Variants in UVRAG observed in about 807,000 individuals in gnomAD.
UVRAG encodes the protein UV radiation resistance-associated gene protein.
A neutral mutation model predicts 78.0 loss-of-function variants in UVRAG; 19 were observed. The ratio of observed to expected loss-of-function variants is 0.24; its 90% confidence interval spans 0.17 to 0.36. UVRAG has a LOEUF of 0.36. UVRAG is among the 10% of genes least tolerant of loss of function. The pLI, the probability that UVRAG is intolerant of heterozygous loss-of-function variation, is 1.00. For synonymous variants in UVRAG, 323 were observed against 324.6 expected (o/e 1.00, Z 0.05); for missense variants, 740 against 853.8 (o/e 0.87, Z 1.66).
intron 14 of UVRAG, among the ~76,000 whole-genome samples, chr11:76,125,809 T>G (rs1025344608): frequency 1.3e-5 from 2 of 152,144 alleles, no homozygotes; most frequent in Admixed American, 1.3e-4. Flanking sequence ...GCCCCATAAT[T>G]CAGGCACAAA....
chr11:76,012,614 G>A (rs951795336), intron 11 of UVRAG, among the ~76,000 whole-genome samples: 4 of 152,124 alleles, frequency 2.6e-5, no homozygotes, highest in Non-Finnish European at 4.4e-5. Context: ...ACTTTATGCT[G>A]CATGGGGTGA....
intron 13 of UVRAG, among the ~76,000 whole-genome samples, chr11:76,071,683 G>C (rs531677662): frequency 1.4e-4 from 21 of 152,254 alleles, no homozygotes; most frequent in Non-Finnish European, 1.9e-4. Context: ...CAGAAGACCA[G>C]ATTAGGGGCA....
At chr11:75,945,090 A>C (rs575178266) in intron 6 of UVRAG, among the ~76,000 whole-genome samples, 1 of 152,278 alleles carries the variant, frequency 6.6e-6, no homozygotes, top group South Asian at 2.1e-4. Context: ...TCTACGCTTG[A>C]TATACATCTA....
intron 8 of UVRAG, among the ~76,000 whole-genome samples, chr11:76,001,048 A>G (rs1320273556): frequency 6.6e-6 from 1 of 152,226 alleles, no homozygotes; most frequent in Non-Finnish European, 1.5e-5. Context: ...CAGAATCTGC[A>G]TTTCTTTCAA....
chr11:75,839,825 G>A (rs376205203), intron 1 of UVRAG, among the ~76,000 whole-genome samples: 27 of 149,086 alleles, frequency 1.8e-4, no homozygotes, highest in Non-Finnish European at 2.5e-4. Flanking sequence ...GTGTGTGTGT[G>A]TATATATATA....
intron 5 of UVRAG, among the ~76,000 whole-genome samples, chr11:75,910,199 T>G (rs1200288488): frequency 6.6e-6 from 1 of 152,220 alleles, no homozygotes. Context: ...TCTCCTAATA[T>G]CCTTTAAATG....
chr11:75,978,847 C>T (rs939484861), intron 7 of UVRAG, among the ~76,000 whole-genome samples: 101 of 151,824 alleles, frequency 6.7e-4, no homozygotes, highest in Non-Finnish European at 7.8e-4. Flanking sequence ...TTGTTATTAC[C>T]GATCTTCTGA....
intron 8 of UVRAG, among the ~76,000 whole-genome samples, chr11:75,995,565 T>G (rs959763599): frequency 2.6e-5 from 4 of 151,678 alleles, no homozygotes; most frequent in African/African-American, 9.7e-5. Context: ...TTAATTAGCT[T>G]CTGCTTGGTT....
rs1194458347 is a variant in UVRAG, at chr11:76,142,642, G to A, written c.*1229G>A. 6.6e-6 allele frequency: 1 copy of A among 152,272 alleles called. No individual in the cohort carries two copies. The highest frequency in any genetic ancestry group is 2.4e-5 in the African/African-American group (1 of 41,386). 9.4% of individuals were successfully genotyped at this position (152,272 alleles called of 1,614,324 possible). A position where few individuals can be genotyped will look rare whatever the true frequency, so the allele number is the denominator to read the frequency against. ...TATTATATAGAAGAATAAAAATTGA[G>A]TTTACTTCACCCGACCTGATTTTTT... On this transcript the variant is annotated 3_prime_UTR_variant, in exon 15 of 15. Coordinates refer to ENST00000356136, the MANE Select transcript of UVRAG (RefSeq NM_003369.4).
intron 5 of UVRAG, among the ~76,000 whole-genome samples, chr11:75,889,848 G>A (rs746653405): frequency 6.6e-6 from 1 of 152,174 alleles, no homozygotes. Context: ...ACAAATGGTG[G>A]TAAATGCTAT....
chr11:76,032,469 A>G lies in UVRAG; in HGVS notation c.1226+15489A>G, dbSNP rs1469827310. On this transcript the variant is annotated intron_variant, in intron 12 of 14. Transcript: ENST00000356136. ...AATTCATATATAGTTAAATCATAAGAGAGTTCAGTTGTAAGAGGGGACATC... is the reference window on the plus strand; with the variant it reads ...AATTCATATATAGTTAAATCATAAGGGAGTTCAGTTGTAAGAGGGGACATC... Among the ~76,000 whole-genome samples the G allele has an allele frequency of 3.9e-5, 6 of 152,230 alleles. No homozygotes were observed. In the South Asian group the frequency reaches 1.0e-3, roughly 26 times the overall value.
chr11:76,101,330 A>G (rs1311780890), intron 13 of UVRAG, among the ~76,000 whole-genome samples: 1 of 151,796 alleles, frequency 6.6e-6, no homozygotes, highest in Non-Finnish European at 1.5e-5. Context: ...TTTGATTTAC[A>G]TTTCTTAGAT....
intron 12 of UVRAG, among the ~76,000 whole-genome samples, chr11:76,048,955 G>A (rs139516714): frequency 6.6e-6 from 1 of 152,238 alleles, no homozygotes; most frequent in Non-Finnish European, 1.5e-5. Flanking sequence ...GGCATAAGCC[G>A]AGGTAAACAG....
At chr11:75,854,328 T>C (rs1946236357) in intron 2 of UVRAG, among the ~76,000 whole-genome samples, 1 of 152,232 alleles carries the variant, frequency 6.6e-6, no homozygotes, top group Non-Finnish European at 1.5e-5. Context: ...GGATTACTTG[T>C]GGGAGATTTT....
chr11:75,942,586 CA>C (rs1415233364), intron 6 of UVRAG, among the ~76,000 whole-genome samples: 26 of 152,126 alleles, frequency 1.7e-4, no homozygotes, highest in Admixed American at 9.2e-4. Flanking sequence ...ATTTCTTTTT[CA>C]AATGCCGTTC....
intron 9 of UVRAG, among the ~76,000 whole-genome samples, chr11:76,005,331 A>C (rs1396639182): frequency 6.6e-6 from 1 of 152,114 alleles, no homozygotes; most frequent in Non-Finnish European, 1.5e-5. Context: ...CGACAGAGCG[A>C]GACGCCATCT....
chr11:75,945,910 T>A lies in UVRAG; in HGVS notation c.594-15534T>A, dbSNP rs76576887. ...GTGTTTACCCCCTCCAAGAAGACTT[T>A]TGCTTCCACTTGACCCCGTCCCTAG... is the stretch of plus-strand genomic sequence containing the variant. On this transcript the variant is annotated intron_variant, in intron 6 of 14. Coordinates refer to ENST00000356136, the MANE Select transcript of UVRAG (RefSeq NM_003369.4). 4.9e-3 allele frequency among the ~76,000 whole-genome samples: 749 copies of A among 152,258 alleles called. 7 individuals are homozygous for A. Among genetic ancestry groups the A allele is most frequent in the African/African-American group, 0.017 (705 of 41,542 alleles).
At chr11:75,843,313 G>A (rs138305681) in intron 1 of UVRAG, among the ~76,000 whole-genome samples, 3,060 of 152,112 alleles carry the variant, frequency 0.02, 83 homozygotes, top group Admixed American at 0.076. Context: ...CTAAAATACG[G>A]GTATGTTTAA....
At chr11:75,866,230 A>G (rs1946535208) in intron 3 of UVRAG, among the ~76,000 whole-genome samples, 1 of 150,984 alleles carries the variant, frequency 6.6e-6, no homozygotes, top group Non-Finnish European at 1.5e-5. Flanking sequence ...GGAAAAACAA[A>G]TTACTTCGAG....
Sources: gnomAD v4.1 joint callset for allele counts (sites outside exome capture counted in the v4.1 genomes callset) on GRCh38, gnomAD v4.1.1 for gene constraint, MANE v1.5 for transcripts, NCBI Gene and HGNC (gene_info 2026-07-23, HGNC 2026-07-21) for gene names.